The following BANK1 variants were observed in gnomAD, a reference collection of about 807,000 sequenced individuals.
BANK1 encodes B-cell scaffold protein with ankyrin repeats.
A neutral mutation model predicts 94.5 loss-of-function variants in BANK1; 95 were observed. The observed-to-expected ratio is 1.00, with a 90% CI of 0.85 to 1.19. BANK1 has a LOEUF of 1.19. BANK1 is among the 50% of genes most tolerant of loss of function. The pLI, the probability that BANK1 is intolerant of heterozygous loss-of-function variation, is 0.00. For missense variants in BANK1, 987 were observed against 932.2 expected (o/e 1.06, Z -0.77); for synonymous variants, 334 against 308.4 (o/e 1.08, Z -0.87).
chr4:101,970,356 A>T (rs1724913182), intron 7 of BANK1, among the ~76,000 whole-genome samples: 1 of 152,178 alleles, frequency 6.6e-6, no homozygotes, highest in Non-Finnish European at 1.5e-5. Flanking sequence ...TGCATAATGA[A>T]CTATGGTTTG....
intron 1 of BANK1, among the ~76,000 whole-genome samples, chr4:101,800,086 A>C (rs920595364): frequency 5.1e-5 from 7 of 137,680 alleles, no homozygotes; most frequent in Non-Finnish European, 7.6e-5. Context: ...AGCAATGAGA[A>C]TACTTGGACG....
At chr4:102,042,488 C>G (rs1419283072) in intron 10 of BANK1, among the ~76,000 whole-genome samples, 4 of 152,024 alleles carry the variant, frequency 2.6e-5, no homozygotes, top group African/African-American at 9.7e-5. Context: ...AGGGAGTACT[C>G]TTTGTCTTGA....
chr4:101,913,869 G>T (rs1304541515), intron 6 of BANK1, among the ~76,000 whole-genome samples: 1 of 152,170 alleles, frequency 6.6e-6, no homozygotes, highest in African/African-American at 2.4e-5. Flanking sequence ...CTGGGTTTGA[G>T]ATGACATGCT....
rs754894011 is a variant in BANK1 at position 101,895,334 on chromosome 4, T to C, written c.933T>C (p.Leu311=). Residue 311 remains leucine, a synonymous_variant, in exon 6 of 17, where the codon CTT becomes CTC. Coordinates refer to ENST00000322953, the MANE Select transcript of BANK1 (RefSeq NM_017935.5). ...GCATTGAAGAACTTGATGGTGTCCT[T>C]ACATCCATATTCAAACATGAGATAC... ...QNSIEELDGV[L]TSIFKHEIPY... 1.9e-5 allele frequency: 30 copies of C among 1,593,712 alleles called. No homozygotes were observed. Among genetic ancestry groups the C allele is most frequent in the Non-Finnish European group, 2.6e-5 (30 of 1,170,012 alleles).
chr4:102,007,092 A>AAATATATTAT (rs1726301299), intron 7 of BANK1, among the ~76,000 whole-genome samples: 3 of 82,318 alleles, frequency 3.6e-5, no homozygotes, highest in African/African-American at 1.3e-4. Context: ...ATATATATAT[A>AAATATATTAT]ATATATTTAT....
intron 13 of BANK1, among the ~76,000 whole-genome samples, chr4:102,066,183 G>A (rs1578489948): frequency 2.7e-5 from 4 of 150,010 alleles, no homozygotes; most frequent in Middle Eastern, 3.5e-3. Context: ...GAAAACACAC[G>A]TTACATATAA....
At chr4:101,853,857 T>C (rs1727585508) in intron 2 of BANK1, among the ~76,000 whole-genome samples, 1 of 152,126 alleles carries the variant, frequency 6.6e-6, no homozygotes, top group South Asian at 2.1e-4. Context: ...ACAGCTGGAA[T>C]TGCTAAAGAA....
chr4:102,007,170 A>ATATATATATATATATATATATATATAT (rs1560682419), intron 7 of BANK1, among the ~76,000 whole-genome samples: 6 of 113,244 alleles, frequency 5.3e-5, no homozygotes, highest in Non-Finnish European at 9.4e-5. Flanking sequence ...ATATATATAT[A>ATATATATATATATATATATATATATAT]AAATCCCTAA....
chr4:101,847,164 G>C (rs1455605605), intron 2 of BANK1, among the ~76,000 whole-genome samples: 1 of 150,972 alleles, frequency 6.6e-6, no homozygotes, highest in Non-Finnish European at 1.5e-5. Flanking sequence ...CATATAACAA[G>C]GATAATATTA....
intron 5 of BANK1, among the ~76,000 whole-genome samples, chr4:101,883,930 T>A (rs1728762539): frequency 6.6e-6 from 1 of 152,200 alleles, no homozygotes; most frequent in South Asian, 2.1e-4. Context: ...GCCAAAAATA[T>A]GCTTGCTTGT....
intron 7 of BANK1, among the ~76,000 whole-genome samples, chr4:101,985,966 C>T (rs141948658): frequency 7.4e-4 from 113 of 152,156 alleles, no homozygotes; most frequent in African/African-American, 2.6e-3. Flanking sequence ...AACTGCATTC[C>T]GAAAGCATTA....
At chr4:101,999,656 A>T (rs142793636) in intron 7 of BANK1, among the ~76,000 whole-genome samples, 1 of 152,236 alleles carries the variant, frequency 6.6e-6, no homozygotes, top group Non-Finnish European at 1.5e-5. Flanking sequence ...AGCAGCTTAC[A>T]GTTAAATAGG....
intron 7 of BANK1, among the ~76,000 whole-genome samples, chr4:101,964,822 A>G (rs1034898894): frequency 6.6e-6 from 1 of 151,746 alleles, no homozygotes; most frequent in African/African-American, 2.4e-5. Flanking sequence ...TGTGCAGGTT[A>G]GTTACATATG....
rs1723990830 is a variant in BANK1 at position 101,947,869 on chromosome 4, C to A, written c.1206+29680C>A. Among the ~76,000 whole-genome samples, 2 of 151,932 alleles carry A rather than the reference C, an allele frequency of 1.3e-5. 1 individual carries two copies. Among genetic ancestry groups the A allele is most frequent in the South Asian group, 4.1e-4 (2 of 4,832 alleles). On this transcript the variant is annotated intron_variant, in intron 7 of 16. Transcript: ENST00000322953. ...TAAAATATTTTTGAAAAATTCATTT[C>A]TCCCTTTCTGTAAGGGATTTTCTTT...
At chr4:101,955,354 A>G (rs1258045545) in intron 7 of BANK1, among the ~76,000 whole-genome samples, 1 of 152,200 alleles carries the variant, frequency 6.6e-6, no homozygotes, top group African/African-American at 2.4e-5. Flanking sequence ...ATCAGGTCTT[A>G]GACTAGATCT....
intron 1 of BANK1, 96 bp downstream of exon 1, chr4:101,791,046 A>T: frequency 1.9e-6 from 2 of 1,027,132 alleles, no homozygotes; most frequent in Non-Finnish European, 1.4e-6. Context: ...GCACTCGGGC[A>T]CTGAGGCCAG....
In BANK1 at chr4:102,020,575, G is replaced by A. The variant is rs539491527; in HGVS notation, c.1207-939G>A. On this transcript the variant is annotated intron_variant, in intron 7 of 16. Coordinates refer to ENST00000322953, the MANE Select transcript of BANK1 (RefSeq NM_017935.5). ...TGGGCTCTCTTTGGCCAAAGTGGGT[G>A]ATAAACTTAATTGATGAAGTCAAAA... Among the ~76,000 whole-genome samples, 3 of 152,174 alleles carry A rather than the reference G, an allele frequency of 2.0e-5. No homozygotes were observed. In the South Asian group the frequency reaches 6.2e-4, roughly 32 times the overall value.
chr4:102,044,528 G>C (rs1489211755), intron 11 of BANK1, among the ~76,000 whole-genome samples: 1 of 139,478 alleles, frequency 7.2e-6, no homozygotes, highest in African/African-American at 2.7e-5. Context: ...ATGATTTATA[G>C]TCCTTTGGGT....
At chr4:101,888,261 C>A (rs1158393801) in intron 5 of BANK1, among the ~76,000 whole-genome samples, 3 of 152,182 alleles carry the variant, frequency 2.0e-5, no homozygotes, top group Non-Finnish European at 4.4e-5. Context: ...TTTTAACTAA[C>A]CTTGCAGTTA....
Sources: gnomAD v4.1 joint callset for allele counts (sites outside exome capture counted in the v4.1 genomes callset) on GRCh38, gnomAD v4.1.1 for gene constraint, MANE v1.5 for transcripts, NCBI Gene and HGNC (gene_info 2026-07-23, HGNC 2026-07-21) for gene names.